TLR2: variants seen among roughly 807,000 people sequenced by gnomAD.
The protein encoded by TLR2 is toll like receptor 2.
In TLR2, 7 loss-of-function variants were observed where a neutral mutation model predicts 9.1. The observed-to-expected ratio is 0.77, with a 90% confidence interval of 0.44 to 1.44. The LOEUF is 1.44. TLR2 is among the 40% of genes most tolerant of loss of function. TLR2 has a pLI of 0.01. For missense variants in TLR2, 812 were observed against 904.6 expected (o/e 0.90, Z 1.31); for synonymous variants, 317 against 344.6 (o/e 0.92, Z 0.89).
intron 2 of TLR2, among the ~76,000 whole-genome samples, chr4:153,689,807 T>C (rs963487886): frequency 6.6e-6 from 1 of 152,216 alleles, no homozygotes; most frequent in African/African-American, 2.4e-5. Context: ...AATTACTCAT[T>C]GTGACTGGTT....
Position 153,704,862 on chromosome 4 carries a change from C to G in TLR2, c.1955C>G (p.Ala652Gly). The G allele has an allele frequency of 6.2e-7, 1 of 1,613,884 alleles. No homozygotes were observed. ...DAFVSYSERDAYWVENLMVQE... is the reference protein window; with the variant it reads ...DAFVSYSERDGYWVENLMVQE... ...TTTGTTTCTTACAGTGAGCGGGATG[C>G]CTACTGGGTGGAGAACCTTATGGTC... The change falls in exon 3 of 3, where the codon GCC becomes GGC. Residue 652 changes from alanine (A) to glycine (G), a missense_variant. By Grantham distance (60) the Ala-to-Gly change is moderately conservative. Transcript: ENST00000642700.
chr4:153,701,167 A>G (rs1473799558), intron 2 of TLR2, among the ~76,000 whole-genome samples: 1 of 152,244 alleles, frequency 6.6e-6, no homozygotes, highest in African/African-American at 2.4e-5. Flanking sequence ...CAAAATTCAT[A>G]TTGAAACTTA....
At chr4:153,693,599 G>A (rs554969813) in intron 2 of TLR2, among the ~76,000 whole-genome samples, 25 of 152,274 alleles carry the variant, frequency 1.6e-4, no homozygotes, top group Middle Eastern at 3.4e-3. Context: ...AATAATGAGG[G>A]GGTGCAGAAG....
At position 153,703,211 on chromosome 4, in the gene TLR2, C is replaced by G; in HGVS notation, c.304C>G (p.Leu102Val). The G allele has an allele frequency of 6.2e-7, 1 of 1,614,242 alleles. No homozygotes were observed. Among genetic ancestry groups the G allele is most frequent in the African/African-American group, 1.3e-5 (1 of 75,060 alleles). Reference sequence around the variant, plus strand: ...AGATTCTTTTTCTTCCCTGGGCAGTCTTGAACATTTAGACTTATCCTATAA... The same window carrying G: ...AGATTCTTTTTCTTCCCTGGGCAGTGTTGAACATTTAGACTTATCCTATAA... ...EEDSFSSLGS[L>V]EHLDLSYNYL... is the part of the protein sequence containing the mutation. The change falls in exon 3 of 3, where the codon CTT becomes GTT. Residue 102 changes from leucine (L) to valine (V), a missense_variant. Coordinates refer to ENST00000642700, the MANE Select transcript of TLR2 (RefSeq NM_001318789.2).
intron 2 of TLR2, among the ~76,000 whole-genome samples, chr4:153,693,594 T>C (rs1389972341): frequency 1.3e-5 from 2 of 152,170 alleles, no homozygotes; most frequent in African/African-American, 4.8e-5. Context: ...TTCGAAATAA[T>C]GAGGGGGTGC....
intron 2 of TLR2, among the ~76,000 whole-genome samples, chr4:153,693,799 T>A (rs2127031098): frequency 6.6e-6 from 1 of 152,304 alleles, no homozygotes; most frequent in South Asian, 2.1e-4. Context: ...GCTCCCCTTC[T>A]TACTCACCAT....
intron 2 of TLR2, among the ~76,000 whole-genome samples, chr4:153,693,247 G>A (rs1236198636): frequency 4.6e-5 from 7 of 152,198 alleles, no homozygotes; most frequent in East Asian, 3.9e-4. Context: ...TACCATCCCC[G>A]CTGGCATCAT....
chr4:153,684,848 C>T (rs1578953630), intron 1 of TLR2, among the ~76,000 whole-genome samples: 1 of 152,198 alleles, frequency 6.6e-6, no homozygotes, highest in African/African-American at 2.4e-5. Context: ...TCCCGCTTCC[C>T]TCACGGCCTG....
chr4:153,702,715 A>T, intron 2 of TLR2, 177 bp from the exon 3 acceptor site: 1 of 598,118 alleles, frequency 1.7e-6, no homozygotes, highest in Non-Finnish European at 2.8e-6. Context: ...TCATTTTTTT[A>T]TCCCCATTCA....
Position 153,703,399 on chromosome 4 carries a change from G to A in TLR2, c.492G>A (p.Lys164=). ...LRVGNMDTFT[K]IQRKDFAGLT... ...TGGGAAATATGGACACCTTCACTAA[G>A]ATTCAAAGAAAAGATTTTGCTGGAC... Residue 164 remains lysine (K), a synonymous_variant, in exon 3 of 3, where the codon AAG becomes AAA. Coordinates refer to ENST00000642700, the MANE Select transcript of TLR2 (RefSeq NM_001318789.2). 6.2e-7 allele frequency: 1 copy of A among 1,614,040 alleles called. No individual in the cohort carries two copies. The highest frequency in any genetic ancestry group is 8.5e-7 in the Non-Finnish European group (1 of 1,180,018).
chr4:153,707,423 G>A (rs1024862873), downstream of TLR2, among the ~76,000 whole-genome samples: 31 of 152,162 alleles, frequency 2.0e-4, no homozygotes, highest in African/African-American at 7.2e-4. Context: ...GGTGGCATGT[G>A]CCTCTGGTCC....
chr4:153,693,509 A>G (rs1736266206), intron 2 of TLR2, among the ~76,000 whole-genome samples: 1 of 152,302 alleles, frequency 6.6e-6, no homozygotes, highest in African/African-American at 2.4e-5. Flanking sequence ...GGTGCTGCTC[A>G]GTCACTGGGG....
At chr4:153,684,744 G>A (rs1365613184) in intron 1 of TLR2, among the ~76,000 whole-genome samples, 1 of 151,632 alleles carries the variant, frequency 6.6e-6, no homozygotes, top group African/African-American at 2.4e-5. Flanking sequence ...CAGGCCCCGG[G>A]GGGGTTGCCG....
At chr4:153,699,690 CTG>C (rs1736748573) in intron 2 of TLR2, among the ~76,000 whole-genome samples, 1 of 151,962 alleles carries the variant, frequency 6.6e-6, no homozygotes, top group South Asian at 2.1e-4. Flanking sequence ...ATAAAGGAAT[CTG>C]TTATAAAGAA....
intron 2 of TLR2, among the ~76,000 whole-genome samples, chr4:153,695,635 C>T (rs774949098): frequency 1.2e-4 from 18 of 152,110 alleles, no homozygotes; most frequent in Non-Finnish European, 2.1e-4. Flanking sequence ...ATTGCCTCTG[C>T]ACTTTGTTGA....
intron 2 of TLR2, 125 bp from the exon 3 acceptor site, chr4:153,702,767 T>A: frequency 6.9e-6 from 1 of 145,660 alleles, no homozygotes; most frequent in Non-Finnish European, 1.2e-5. Context: ...TCTCTTTGTG[T>A]GTGTGTGTGT....
chr4:153,707,608 A>T (rs556164549), downstream of TLR2, among the ~76,000 whole-genome samples: 7 of 152,306 alleles, frequency 4.6e-5, no homozygotes, highest in South Asian at 1.5e-3. Context: ...GAAACTTGAG[A>T]TTCCACAGAC....
intron 2 of TLR2, among the ~76,000 whole-genome samples, chr4:153,692,254 G>A (rs748895604): frequency 3.0e-4 from 45 of 152,228 alleles, no homozygotes; most frequent in Non-Finnish European, 5.4e-4. Flanking sequence ...AGGCAGTCCC[G>A]GCTGCAATGT....
chr4:153,687,783 T>C (rs1735816346), intron 1 of TLR2, 119 bp from the exon 2 acceptor site: 1 of 152,236 alleles, frequency 6.6e-6, no homozygotes, highest in Non-Finnish European at 1.5e-5. Flanking sequence ...GTTTGGCCTA[T>C]AAAAGCTCAC....
Sources: allele counts gnomAD v4.1 joint callset (sites outside exome capture counted in the v4.1 genomes callset), GRCh38; gene constraint gnomAD v4.1.1; transcripts MANE v1.5; gene names NCBI Gene and HGNC (gene_info 2026-07-23, HGNC 2026-07-21).